ARHGEF18: variants seen among roughly 807,000 people sequenced by gnomAD.
ARHGEF18 encodes rho guanine nucleotide exchange factor 18.
Under a neutral mutation model 155.7 loss-of-function variants are expected in ARHGEF18, and 93 were observed. The ratio of observed to expected loss-of-function variants is 0.60; its 90% CI spans 0.50 to 0.71. The LOEUF (loss-of-function observed/expected upper bound fraction) is 0.71, where lower values mean the gene tolerates loss of function less well. ARHGEF18 is among the 30% of genes least tolerant of loss of function. ARHGEF18 has a pLI of 0.00. For synonymous variants in ARHGEF18, 742 were observed against 753.1 expected, an observed-to-expected ratio of 0.99 and a Z score of 0.24; for missense variants, 1,593 against 1,816.1, an observed-to-expected ratio of 0.88 and a Z score of 2.23.
rs1976443729 is a variant in ARHGEF18, at chr19:7,463,852, G to C, written c.2670G>C (p.Leu890=). The change falls in exon 22 of 29, where the codon CTG becomes CTC. Residue 890 remains leucine (L), a synonymous_variant. Coordinates refer to ENST00000668164, the MANE Select transcript of ARHGEF18 (RefSeq NM_001367823.1). The surrounding 1 kb of genome is among the most constrained non-coding windows in gnomAD (Gnocchi z 5.2). ...TCCAGAGCCTGATCTGCAGGCAGCT[G>C]GGCAGCGCCAACGGCCAGGCGGAAG... ...EGIQSLICRQ[L]GSANGQAEDG... The C allele has an allele frequency of 1.9e-6, 3 of 1,606,436 alleles. No homozygotes were observed. In the East Asian group the frequency reaches 6.7e-5, roughly 36 times the overall value.
At position 7,443,055 on chromosome 19, in the gene ARHGEF18, A is replaced by AT. The variant is rs10600280; in HGVS notation, c.1360+1028dup. 4.6e-3 allele frequency among the ~76,000 whole-genome samples: 371 copies of AT among 81,152 alleles called. 2 individuals are homozygous for AT. The highest frequency in any genetic ancestry group is 7.5e-3 in the East Asian group (20 of 2,660). The allele number at this position is 81,152 out of a possible 152,430, so 53.2% of individuals were successfully genotyped here. On this transcript the variant is annotated intron_variant, in intron 13 of 28. Coordinates refer to ENST00000668164, the MANE Select transcript of ARHGEF18 (RefSeq NM_001367823.1). ...CAGTGCCTGCCACCATGCCCAGCTA[A>AT]TTTTTTTTTTTTTTTTTTTTTTTTT...
At position 7,467,659 on chromosome 19, in the gene ARHGEF18, CGCTGCCGCCCGACACACT is replaced by C; in HGVS notation, c.3457_3474del (p.Leu1153_Leu1158del). ...AAGAAGCAGAACACCGCGCCAGGCG[CGCTGCCGCCCGACACACT>C]GGCCGAGGTGAGCGCGCAGCAGCCA... On this transcript the variant is annotated inframe_deletion, in exon 26 of 29. Coordinates refer to ENST00000668164, the MANE Select transcript of ARHGEF18 (RefSeq NM_001367823.1). The C allele has an allele frequency of 6.6e-7, 1 of 1,512,644 alleles. No individual in the cohort carries two copies. The highest frequency in any genetic ancestry group is 8.8e-7 in the Non-Finnish European group (1 of 1,138,348). The allele number at this position is 1,512,644 out of a possible 1,614,324, so 93.7% of individuals were successfully genotyped here.
chr19:7,419,179 A>AGATGTACCCACACTCGGCCTCTGTACCCC (rs770626310), intron 10 of ARHGEF18, among the ~76,000 whole-genome samples: 1 of 129,032 alleles, frequency 7.8e-6, no homozygotes, highest in Non-Finnish European at 1.5e-5. Flanking sequence ...TCTGTACCCC[A>AGATGTACCCACACTCGGCCTCTGTACCCC]GATGTACCCA....
chr19:7,390,272 C>T (rs971978230), intron 10 of ARHGEF18, among the ~76,000 whole-genome samples: 6 of 151,776 alleles, frequency 4.0e-5, no homozygotes, highest in African/African-American at 1.5e-4. Flanking sequence ...TTTGGGAGAC[C>T]AAGGTGGGAG....
At chr19:7,420,815 T>C (rs1568318392) in intron 10 of ARHGEF18, among the ~76,000 whole-genome samples, 1 of 152,188 alleles carries the variant, frequency 6.6e-6, no homozygotes, top group Non-Finnish European at 1.5e-5. Flanking sequence ...GTCACACCCG[T>C]CGTGGAGAGG....
chr19:7,450,718 A>ATG (rs1975361586), intron 15 of ARHGEF18, among the ~76,000 whole-genome samples: 2 of 9,986 alleles, frequency 2.0e-4, no homozygotes, highest in Non-Finnish European at 4.6e-4. Flanking sequence ...TGTTAATGCA[A>ATG]GATCTTGCTT....
rs1162434534 is a variant in ARHGEF18, at chr19:7,361,991, G to GGAAGAAGAAGAAAGAAGAAGAA, written c.-110-778_-110-777insAGAAGAAGAAGAAGAAGAAGAA. ...TGGGGGCAACAGAGCAAGACTCTGT[G>GGAAGAAGAAGAAAGAAGAAGAA]GAAGAAGAAGAAGAAGAAGAAGAAG... On this transcript the variant is annotated intron_variant, in intron 1 of 28. Transcript: ENST00000668164. Among the ~76,000 whole-genome samples the GGAAGAAGAAGAAAGAAGAAGAA allele has an allele frequency of 8.8e-5, 7 of 79,116 alleles. 1 individual carries two copies. The highest frequency in any genetic ancestry group is 3.3e-4 in the African/African-American group (6 of 18,264). The allele number at this position is 79,116 out of a possible 152,430, so 51.9% of individuals were successfully genotyped here.
At chr19:7,353,288 C>T (rs1969200329) in intron 1 of ARHGEF18, among the ~76,000 whole-genome samples, 2 of 151,882 alleles carry the variant, frequency 1.3e-5, no homozygotes. Flanking sequence ...AGCCTGCCAT[C>T]ATTAGAAATA....
intron 15 of ARHGEF18, 48 bp downstream of exon 15, chr19:7,447,216 C>T (rs375510064): frequency 1.3e-5 from 20 of 1,531,484 alleles, no homozygotes; most frequent in African/African-American, 4.2e-5. Flanking sequence ...TCTGGCCGGG[C>T]GCAGTGGCTC....
intron 10 of ARHGEF18, among the ~76,000 whole-genome samples, chr19:7,407,988 G>C (rs994767936): frequency 9.3e-6 from 1 of 107,794 alleles, no homozygotes; most frequent in African/African-American, 4.6e-5. Flanking sequence ...AAAAAAAAAA[G>C]AGGTAGTAGG....
At chr19:7,364,078 T>C (rs907168071) in intron 2 of ARHGEF18, among the ~76,000 whole-genome samples, 7 of 144,122 alleles carry the variant, frequency 4.9e-5, no homozygotes, top group African/African-American at 1.8e-4. Flanking sequence ...GGGTAATGGA[T>C]GGATGAATGG....
chr19:7,449,048 C>T (rs76618871), intron 15 of ARHGEF18, among the ~76,000 whole-genome samples: 3,650 of 152,042 alleles, frequency 0.024, 152 homozygotes, highest in East Asian at 0.14. Context: ...GGGGGAGGAT[C>T]GTTTTGGAGC....
intron 10 of ARHGEF18, among the ~76,000 whole-genome samples, chr19:7,406,506 T>C (rs1183383445): frequency 1.3e-5 from 2 of 152,194 alleles, no homozygotes; most frequent in Non-Finnish European, 2.9e-5. Context: ...CTATACTCCA[T>C]ATAATCTTTT....
intron 19 of ARHGEF18, among the ~76,000 whole-genome samples, chr19:7,459,374 CCA>C (rs1976056217): frequency 6.6e-6 from 1 of 152,184 alleles, no homozygotes; most frequent in Non-Finnish European, 1.5e-5. Context: ...GCATACACCA[CCA>C]CACCCAGCTA....
chr19:7,477,180 T>A (rs760312860), downstream of ARHGEF18: 6 of 1,448,612 alleles, frequency 4.1e-6, no homozygotes, highest in Non-Finnish European at 5.4e-6. Flanking sequence ...TCTGGCTGTG[T>A]CCCTGTGCTC....
At chr19:7,375,693 G>T in intron 3 of ARHGEF18, 27 bp from the exon 4 acceptor site, 2 of 1,234,064 alleles carry the variant, frequency 1.6e-6, no homozygotes, top group East Asian at 6.3e-5. Flanking sequence ...ACCTGCTGAA[G>T]CCCCAGTACC....
At chr19:7,441,849 C>T (rs1568338017) in intron 12 of ARHGEF18, 63 bp from the exon 13 acceptor site, 11 of 1,612,848 alleles carry the variant, frequency 6.8e-6, no homozygotes, top group African/African-American at 4.0e-5. Context: ...AGCATGTCTA[C>T]GGGAGGGAAT....
At chr19:7,445,025 AAC>A (rs1429390187) in intron 14 of ARHGEF18, among the ~76,000 whole-genome samples, 3 of 152,212 alleles carry the variant, frequency 2.0e-5, no homozygotes, top group African/African-American at 7.2e-5. Flanking sequence ...ATATTCTAGA[AAC>A]ACAGAGACCT....
chr19:7,369,063 C>T (rs2145384543), intron 2 of ARHGEF18, among the ~76,000 whole-genome samples: 1 of 152,324 alleles, frequency 6.6e-6, no homozygotes, highest in South Asian at 2.1e-4. Flanking sequence ...GGCGCGGCGG[C>T]TCATGCCCGT....
Sources: allele counts gnomAD v4.1 joint callset (sites outside exome capture counted in the v4.1 genomes callset), GRCh38; gene constraint gnomAD v4.1.1; non-coding constraint Gnocchi (gnomAD v3.1); transcripts MANE v1.5; gene names NCBI Gene and HGNC (gene_info 2026-07-23, HGNC 2026-07-21).